Variants in LYRM1 observed in about 807,000 individuals in gnomAD.
LYRM1 encodes LYR motif-containing protein 1.
LYRM1 carries 14 observed loss-of-function variants against 14.9 expected under a neutral mutation model. That is an observed-to-expected ratio of 0.94 (90% CI 0.62 to 1.47). The LOEUF is 1.47. Ranked by LOEUF, LYRM1 falls within the 40% of genes most tolerant of loss-of-function variation. The pLI is 0.00. For synonymous variants in LYRM1, 43 were observed against 56.2 expected, an observed-to-expected ratio of 0.77 and a Z score of 1.05; for missense variants, 153 against 149.9, an observed-to-expected ratio of 1.02 and a Z score of -0.11.
chr16:20,901,986 T>C lies in LYRM1; in HGVS notation c.-1+1097T>C, dbSNP rs2082085640. ...TAAAAATACAAAAATCAGCTGGGCG[T>C]AGTGGCACGCGCCTGTAATCTCTGC... On this transcript the variant is annotated intron_variant, in intron 1 of 3. Coordinates refer to ENST00000567954, the MANE Select transcript of LYRM1 (RefSeq NM_001128302.3). This position sits in a 1 kb window ranked among gnomAD's most constrained non-coding sequence, Gnocchi z 4.6. 6.6e-6 allele frequency among the ~76,000 whole-genome samples: 1 copy of C among 152,154 alleles called. No individual in the cohort carries two copies. The highest frequency in any genetic ancestry group is 1.5e-5 in the Non-Finnish European group (1 of 68,016).
chr16:20,923,498 CAAA>C (rs66570481), intron 3 of LYRM1, among the ~76,000 whole-genome samples: 1 of 110,426 alleles, frequency 9.1e-6, no homozygotes, highest in African/African-American at 3.6e-5. Flanking sequence ...AACTGTGTCT[CAAA>C]AAAAAAAAAA....
intron 1 of LYRM1, among the ~76,000 whole-genome samples, chr16:20,903,735 G>T (rs1415700019): frequency 6.6e-6 from 1 of 151,810 alleles, no homozygotes; most frequent in Non-Finnish European, 1.5e-5. Flanking sequence ...GGAGGAAGCT[G>T]TCCTGAAGGC....
In LYRM1 at chr16:20,924,189, T is replaced by G; in HGVS notation, c.*73T>G. ...AATGTAAACCAGATGGCAAAACACT[T>G]CTTGATTAGGGGCAAAAATTCAAAT... On this transcript the variant is annotated 3_prime_UTR_variant, in exon 4 of 4. Coordinates refer to ENST00000567954, the MANE Select transcript of LYRM1 (RefSeq NM_001128302.3). 2.5e-6 allele frequency: 2 copies of G among 811,704 alleles called. No homozygotes were observed. The highest frequency in any genetic ancestry group is 4.0e-6 in the Non-Finnish European group (2 of 497,698). The allele number at this position is 811,704 out of a possible 1,614,324, so 50.3% of individuals were successfully genotyped here.
chr16:20,914,855 T>C (rs534823421), intron 1 of LYRM1, among the ~76,000 whole-genome samples: 1 of 152,274 alleles, frequency 6.6e-6, no homozygotes, highest in Admixed American at 6.5e-5. Flanking sequence ...GGCACTTGAG[T>C]TTGTAACCAG....
chr16:20,913,424 T>G (rs1207864381), intron 1 of LYRM1, among the ~76,000 whole-genome samples: 1 of 151,804 alleles, frequency 6.6e-6, no homozygotes, highest in Admixed American at 6.6e-5. Flanking sequence ...GTGATTCTCG[T>G]GCCTCAGCCT....
chr16:20,920,068 CTA>C, intron 2 of LYRM1, 52 bp from the exon 3 acceptor site: 1 of 1,250,492 alleles, frequency 8.0e-7, no homozygotes, highest in Non-Finnish European at 1.2e-6. Context: ...TACCTATACT[CTA>C]TGTACCATTA....
rs907495455 is a variant in LYRM1, at chr16:20,924,514, C to G, written c.*398C>G. 6.5e-6 allele frequency: 1 copy of G among 153,140 alleles called. No individual in the cohort carries two copies. The highest frequency in any genetic ancestry group is 1.5e-5 in the Non-Finnish European group (1 of 68,890). 9.5% of individuals were successfully genotyped at this position (153,140 alleles called of 1,614,324 possible). A position where few individuals can be genotyped will look rare whatever the true frequency, so the allele number is the denominator to read the frequency against. On this transcript the variant is annotated 3_prime_UTR_variant, in exon 4 of 4. Coordinates refer to ENST00000567954, the MANE Select transcript of LYRM1 (RefSeq NM_001128302.3). ...AACTATGTACCACTCTCAGAATATT[C>G]TTAGGCTTTTTTTTTTTCAAGTTAT...
At position 20,924,048 on chromosome 16, in the gene LYRM1, C is replaced by T. The variant is rs754707886; in HGVS notation, c.301C>T (p.Arg101Ter). The change falls in exon 4 of 4, where the codon CGA becomes TGA. Residue 101 changes from arginine to a stop codon, truncating the protein, a stop_gained. Coordinates refer to ENST00000567954, the MANE Select transcript of LYRM1 (RefSeq NM_001128302.3). LOFTEE classifies it high-confidence loss of function. ...TACCCCACTCCGAGGCCGGGGACTT[C>T]GAAGCCAAGAGAAACTGAGGAAACT... The part of the protein sequence containing the change: ...GLTPLRGRGL[R>*]SQEKLRKLSK... 1.7e-5 allele frequency: 27 copies of T among 1,613,494 alleles called. No homozygotes were observed. The highest frequency in any genetic ancestry group is 1.6e-4 in the Middle Eastern group (1 of 6,084).
intron 3 of LYRM1, among the ~76,000 whole-genome samples, chr16:20,920,961 AAAGTT>A (rs1323009670): frequency 3.3e-4 from 50 of 151,276 alleles, no homozygotes; most frequent in African/African-American, 1.2e-3. Context: ...ATACATTCAG[AAAGTT>A]AAGAAACAAA....
At chr16:20,904,181 T>C (rs908246870) in intron 1 of LYRM1, among the ~76,000 whole-genome samples, 2 of 152,188 alleles carry the variant, frequency 1.3e-5, no homozygotes, top group African/African-American at 4.8e-5. Flanking sequence ...CCCATAACTT[T>C]TCATTTAGAA....
intron 2 of LYRM1, among the ~76,000 whole-genome samples, chr16:20,916,857 A>G (rs1003803325): frequency 1.3e-5 from 2 of 152,234 alleles, no homozygotes; most frequent in Non-Finnish European, 2.9e-5. Context: ...AACATAAGCC[A>G]AACCAAGACA....
chr16:20,919,584 TG>T (rs1225264074), intron 2 of LYRM1, among the ~76,000 whole-genome samples: 1 of 152,204 alleles, frequency 6.6e-6, no homozygotes, highest in African/African-American at 2.4e-5. Context: ...AGCAAAAAAT[TG>T]GAAATAACTT....
chr16:20,909,450 G>T (rs1342267520), intron 1 of LYRM1, among the ~76,000 whole-genome samples: 1 of 152,174 alleles, frequency 6.6e-6, no homozygotes, highest in Non-Finnish European at 1.5e-5. Context: ...GATAGACTTC[G>T]TGACCAGCTG....
At chr16:20,916,851 T>A (rs907253016) in intron 2 of LYRM1, among the ~76,000 whole-genome samples, 2 of 152,032 alleles carry the variant, frequency 1.3e-5, no homozygotes, top group African/African-American at 2.4e-5. Context: ...AAGACAAACA[T>A]AAGCCAAACC....
intron 2 of LYRM1, among the ~76,000 whole-genome samples, chr16:20,916,753 T>C (rs555049421): frequency 6.6e-6 from 1 of 152,228 alleles, no homozygotes; most frequent in South Asian, 2.1e-4. Flanking sequence ...TCACAGCTCC[T>C]GTCACCACTC....
chr16:20,915,376 C>T (rs890992515), intron 1 of LYRM1, among the ~76,000 whole-genome samples, 180 bp from the exon 2 acceptor site: 1 of 150,528 alleles, frequency 6.6e-6, no homozygotes, highest in Non-Finnish European at 1.5e-5. Flanking sequence ...AGGAGAATGG[C>T]GTGAACCCGG....
At chr16:20,922,891 A>G (rs1383192672) in intron 3 of LYRM1, among the ~76,000 whole-genome samples, 1 of 152,172 alleles carries the variant, frequency 6.6e-6, no homozygotes, top group Non-Finnish European at 1.5e-5. Context: ...AGCTGGTGGT[A>G]TTACTCAGTT....
rs2082867490 is a variant in LYRM1, at chr16:20,915,860, G to C, written c.159+146G>C. 3 of 814,080 alleles carry C rather than the reference G, an allele frequency of 3.7e-6. No homozygotes were observed. In the South Asian group the frequency reaches 6.0e-5, roughly 16 times the overall value. The allele number at this position is 814,080 out of a possible 1,614,324, so 50.4% of individuals were successfully genotyped here. A position where few individuals can be genotyped will look rare whatever the true frequency, so the allele number is the denominator to read the frequency against. The stretch of plus-strand genomic sequence containing the variant: ...GCAGGAAGGGGCCAGTGCACAGCTT[G>C]GCTAGCTTGCCTGACCACTGGGAAG... On this transcript the variant is annotated intron_variant, in intron 2 of 3. Transcript: ENST00000567954.
intron 1 of LYRM1, among the ~76,000 whole-genome samples, chr16:20,905,160 A>G: frequency 6.6e-6 from 1 of 152,204 alleles, no homozygotes; most frequent in East Asian, 1.9e-4. Flanking sequence ...GCATAGATAA[A>G]AGAGACCTCG....
Sources: allele counts gnomAD v4.1 joint callset (sites outside exome capture counted in the v4.1 genomes callset), GRCh38; gene constraint gnomAD v4.1.1; non-coding constraint Gnocchi (gnomAD v3.1); transcripts MANE v1.5; gene names NCBI Gene and HGNC (gene_info 2026-07-23, HGNC 2026-07-21).